The following FYB2 variants were observed in gnomAD, a reference collection of about 807,000 sequenced individuals.
The protein encoded by FYB2 is FYN binding protein 2.
Under a neutral mutation model 94.1 loss-of-function variants are expected in FYB2, and 103 were observed. The ratio of observed to expected loss-of-function variants is 1.09; its 90% confidence interval spans 0.93 to 1.29. FYB2 has a LOEUF of 1.29. FYB2 is among the 50% of genes most tolerant of loss of function. FYB2 has a pLI of 0.00. For missense variants in FYB2, 896 were observed against 841.5 expected (o/e 1.06, Z -0.80); for synonymous variants, 293 against 287.9 (o/e 1.02, Z -0.18).
At chr1:56,789,184 A>G (rs747833587) in intron 2 of FYB2, 50 bp from the exon 3 acceptor site, 3 of 1,525,004 alleles carry the variant, frequency 2.0e-6, no homozygotes, top group Non-Finnish European at 2.6e-6. Context: ...TTCATTTCAT[A>G]GCTTGTGGGT....
intron 1 of FYB2, among the ~76,000 whole-genome samples, chr1:56,794,299 G>T (rs1646344659): frequency 6.6e-6 from 1 of 152,106 alleles, no homozygotes. Context: ...TCTTCCTGCT[G>T]GTCCTTCTTC....
chr1:56,772,716 G>T (rs966402618), intron 4 of FYB2, among the ~76,000 whole-genome samples: 5 of 152,072 alleles, frequency 3.3e-5, no homozygotes, highest in Non-Finnish European at 7.4e-5. Context: ...TAAAGAACTG[G>T]GTAAATACCT....
intron 5 of FYB2, 135 bp from the exon 6 acceptor site, chr1:56,758,885 C>T: frequency 1.8e-6 from 1 of 559,806 alleles, no homozygotes; most frequent in Non-Finnish European, 2.9e-6. Flanking sequence ...ATGTAAAGCT[C>T]TATCTAGAAA....
At chr1:56,725,078 T>C (rs1644557695) in intron 16 of FYB2, among the ~76,000 whole-genome samples, 1 of 152,038 alleles carries the variant, frequency 6.6e-6, no homozygotes, top group South Asian at 2.1e-4. Context: ...CCTTCTGCCA[T>C]GAGTAGAAGC....
At chr1:56,731,482 C>A (rs549943554) in intron 15 of FYB2, among the ~76,000 whole-genome samples, 1 of 152,190 alleles carries the variant, frequency 6.6e-6, no homozygotes, top group South Asian at 2.1e-4. Context: ...ACCTGGCCAA[C>A]TGGGAACCAT....
rs574476011 is a variant in FYB2 at position 56,789,565 on chromosome 1, C to T, written c.758-431G>A. Among the ~76,000 whole-genome samples, 7 of 152,302 alleles carry T rather than the reference C, an allele frequency of 4.6e-5. No homozygotes were observed. In the East Asian group the frequency reaches 7.7e-4, roughly 17 times the overall value. ...GAACACTTTTCCCTTTCTTGGCAAA[C>T]TTCAATTCATTCTTTTAAGGCTCTG... On this transcript the variant is annotated intron_variant, in intron 2 of 19. Transcript: ENST00000343433.
At chr1:56,783,714 A>G (rs988011962) in intron 4 of FYB2, among the ~76,000 whole-genome samples, 4 of 152,022 alleles carry the variant, frequency 2.6e-5, no homozygotes, top group African/African-American at 4.8e-5. Flanking sequence ...GTGTGTGTGT[A>G]TGCATGTTAT....
chr1:56,738,495 T>A, intron 14 of FYB2, 130 bp downstream of exon 14: 1 of 927,932 alleles, frequency 1.1e-6, no homozygotes, highest in Non-Finnish European at 1.6e-6. Flanking sequence ...GTGAAACATC[T>A]TCTTTGATTT....
At chr1:56,782,288 C>T (rs1220283589) in intron 4 of FYB2, among the ~76,000 whole-genome samples, 1 of 152,146 alleles carries the variant, frequency 6.6e-6, no homozygotes, top group Admixed American at 6.5e-5. Flanking sequence ...TTATTTCACT[C>T]TCAAACTCTC....
intron 8 of FYB2, among the ~76,000 whole-genome samples, chr1:56,751,667 A>G (rs922444704): frequency 1.3e-5 from 2 of 151,808 alleles, no homozygotes; most frequent in Admixed American, 1.3e-4. Context: ...TTTTGCCTAC[A>G]TTTTGTCTTC....
intron 15 of FYB2, among the ~76,000 whole-genome samples, chr1:56,734,188 G>A (rs1370278960): frequency 6.6e-6 from 1 of 152,032 alleles, no homozygotes; most frequent in African/African-American, 2.4e-5. Flanking sequence ...TGTGTCTTTT[G>A]ATCTTTGTTG....
intron 11 of FYB2, among the ~76,000 whole-genome samples, chr1:56,743,629 G>A (rs1246196227): frequency 6.6e-6 from 1 of 152,032 alleles, no homozygotes; most frequent in African/African-American, 2.4e-5. Flanking sequence ...TGAGTACAGT[G>A]TGAGATGAGG....
At chr1:56,763,838 C>T (rs1302446493) in intron 5 of FYB2, among the ~76,000 whole-genome samples, 1 of 151,814 alleles carries the variant, frequency 6.6e-6, no homozygotes, top group Non-Finnish European at 1.5e-5. Flanking sequence ...TTCCTTCCTG[C>T]TACTTGCTTT....
At chr1:56,775,119 C>A (rs759478941) in intron 4 of FYB2, among the ~76,000 whole-genome samples, 3 of 152,108 alleles carry the variant, frequency 2.0e-5, no homozygotes, top group Admixed American at 6.6e-5. Context: ...TGAGTCAATA[C>A]TCCTTAATAA....
In FYB2 at chr1:56,744,219, C is replaced by T. The variant is rs1182070598; in HGVS notation, c.1435G>A (p.Gly479Arg). 2.5e-6 allele frequency: 4 copies of T among 1,612,580 alleles called. No individual in the cohort carries two copies. Among genetic ancestry groups the T allele is most frequent in the South Asian group, 2.2e-5 (2 of 91,016 alleles). The part of the protein sequence containing the change: ...LESTKETPDL[G>R]VSKTSSISEE... ...GAGATGGAACTTGTCTTAGAGACCC[C>T]TAGGTCTGGAGTTTCTTTAGTTGAC... The change falls in exon 10 of 20, where the codon GGG becomes AGG. Residue 479 changes from glycine (G) to arginine (R), a missense_variant. Transcript: ENST00000343433.
chr1:56,728,752 T>G (rs1485743798), intron 15 of FYB2, among the ~76,000 whole-genome samples: 1 of 152,028 alleles, frequency 6.6e-6, no homozygotes, highest in Non-Finnish European at 1.5e-5. Flanking sequence ...CTATATCCAC[T>G]CTCTTTCAAA....
chr1:56,769,970 G>A (rs1347249582), intron 4 of FYB2, among the ~76,000 whole-genome samples: 1 of 151,996 alleles, frequency 6.6e-6, no homozygotes, highest in Non-Finnish European at 1.5e-5. Flanking sequence ...AAATCAAATA[G>A]TACCAAAGAA....
intron 6 of FYB2, among the ~76,000 whole-genome samples, chr1:56,757,915 A>T (rs1245974534): frequency 6.8e-6 from 1 of 146,770 alleles, no homozygotes; most frequent in Non-Finnish European, 1.5e-5. Flanking sequence ...GACTACAGGC[A>T]TATACCACCA....
intron 8 of FYB2, 48 bp downstream of exon 8, chr1:56,753,791 A>G (rs1645258344): frequency 7.4e-7 from 1 of 1,345,026 alleles, no homozygotes; most frequent in Non-Finnish European, 1.1e-6. Context: ...ACCCCCATGA[A>G]CTGATCTGTT....
Sources: gnomAD v4.1 joint callset for allele counts (sites outside exome capture counted in the v4.1 genomes callset) on GRCh38, gnomAD v4.1.1 for gene constraint, MANE v1.5 for transcripts, NCBI Gene and HGNC (gene_info 2026-07-23, HGNC 2026-07-21) for gene names.